The following SEMA4D variants were observed in gnomAD, a reference collection of about 807,000 sequenced individuals.
SEMA4D encodes semaphorin 4D, also known as semaphorin-4D.
In SEMA4D, 22 loss-of-function variants were observed where a neutral mutation model predicts 74.8. That is an observed-to-expected ratio of 0.29 (90% CI 0.21 to 0.42). SEMA4D has a LOEUF of 0.42. Among genes scored for constraint, SEMA4D ranks in the 10% least tolerant of loss-of-function variants. SEMA4D has a pLI of 1.00. For synonymous variants in SEMA4D, 445 were observed against 463.7 expected, an observed-to-expected ratio of 0.96 and a Z score of 0.52; for missense variants, 937 against 1,118.4, an observed-to-expected ratio of 0.84 and a Z score of 2.31.
rs201145683 is a variant in SEMA4D, at chr9:89,421,780, GGTGTGTGACC to G, written c.-243-16091_-243-16082del. ...TATGTTTCCGTCTGTGCAGGCACAT[GGTGTGTGACC>G]GTGTGTGTGCGTGTGTGTGTGTGTG... is the stretch of plus-strand genomic sequence containing the variant. On this transcript the variant is annotated intron_variant, in intron 2 of 15. Coordinates refer to ENST00000422704, the MANE Select transcript of SEMA4D (RefSeq NM_001371194.2). Among the ~76,000 whole-genome samples the G allele has an allele frequency of 2.4e-3, 368 of 152,256 alleles. 1 individual carries two copies. The highest frequency in any genetic ancestry group is 8.1e-3 in the African/African-American group (335 of 41,546).
chr9:89,425,701 C>T (rs1176914615), intron 2 of SEMA4D, among the ~76,000 whole-genome samples: 15 of 152,214 alleles, frequency 9.9e-5, no homozygotes, highest in Non-Finnish European at 2.9e-5. Context: ...CCCCCTCCCC[C>T]AGTGTGCCCC....
chr9:89,460,774 G>A (rs1468914112), intron 1 of SEMA4D, among the ~76,000 whole-genome samples: 1 of 152,224 alleles, frequency 6.6e-6, no homozygotes, highest in Non-Finnish European at 1.5e-5. Context: ...ACAGGCCCAG[G>A]AGAACCCATG....
At chr9:89,477,220 C>T (rs1201784883) in intron 1 of SEMA4D, among the ~76,000 whole-genome samples, 1 of 152,072 alleles carries the variant, frequency 6.6e-6, no homozygotes, top group Admixed American at 6.6e-5. Flanking sequence ...CAGGCACTCA[C>T]ACACACATGC....
At chr9:89,416,543 A>G (rs576469011) in intron 2 of SEMA4D, among the ~76,000 whole-genome samples, 1 of 152,304 alleles carries the variant, frequency 6.6e-6, no homozygotes, top group Non-Finnish European at 1.5e-5. Context: ...ACGGACACAC[A>G]GGGACATGCA....
intron 17 of SEMA4D, chr9:89,363,684 G>A: frequency 1.9e-6 from 3 of 1,595,662 alleles, no homozygotes; most frequent in Admixed American, 1.7e-5. Flanking sequence ...CACTGCCATT[G>A]TAAATAGTGA....
At chr9:89,385,051 G>C in intron 13 of SEMA4D, 1 of 985,082 alleles carries the variant, frequency 1.0e-6, no homozygotes, top group Non-Finnish European at 1.2e-6. Flanking sequence ...AAACCCACTG[G>C]CTCCTCCTCC....
rs1836303598 is a variant in SEMA4D, at chr9:89,378,820, T to A, written c.2473A>T (p.Lys825Ter). ...GAGTCCTCCCTATCCGTGGGGACTT[T>A]GCTGGTGATGGTGTCTTGCTCGGTC... Reference protein sequence around the residue: ...YETEQDTITSKVPTDREDSQR... With the variant: ...YETEQDTITS The change falls in exon 16 of 16, where the codon AAA becomes TAA. Residue 825 changes from lysine (K) to a stop codon, truncating the protein, a stop_gained. Coordinates refer to ENST00000422704, the MANE Select transcript of SEMA4D (RefSeq NM_001371194.2). LOFTEE classifies it high-confidence loss of function. The A allele has an allele frequency of 2.5e-6, 4 of 1,614,066 alleles. No homozygotes were observed. The Admixed American group carries it at 5.0e-5, about 20-fold the overall frequency.
intron 2 of SEMA4D, among the ~76,000 whole-genome samples, chr9:89,452,323 C>T (rs1459883849): frequency 4.0e-5 from 6 of 151,872 alleles, no homozygotes; most frequent in African/African-American, 9.7e-5. Flanking sequence ...GGACTATAGG[C>T]GCCCACCACA....
In SEMA4D at chr9:89,381,055, C is replaced by G; in HGVS notation, c.1663G>C (p.Asp555His). ...AATGGGACGTCGAGGAGTCACTCAC[C>G]CGGGCACACAGAAGCATCGCCGCTC... The part of the protein sequence containing the change: ...EMSGDASVCP[D>H]KSKGSYRQHF... Residue 555 changes from aspartate (D) to histidine (H), a missense_variant and splice_region_variant, in exon 15 of 16, where the codon GAT (aspartate) becomes CAT (histidine). Physicochemically the swap from Asp to His is moderately conservative, Grantham distance 81. Coordinates refer to ENST00000422704, the MANE Select transcript of SEMA4D (RefSeq NM_001371194.2). The surrounding 1 kb of genome is among the most constrained non-coding windows in gnomAD (Gnocchi z 4.6). The G allele has an allele frequency of 6.2e-7, 1 of 1,614,100 alleles. No individual in the cohort carries two copies. Among genetic ancestry groups the G allele is most frequent in the Non-Finnish European group, 8.5e-7 (1 of 1,180,038 alleles).
chr9:89,435,184 G>A (rs1034626238), intron 2 of SEMA4D, among the ~76,000 whole-genome samples: 7 of 152,248 alleles, frequency 4.6e-5, no homozygotes, highest in Non-Finnish European at 8.8e-5. Flanking sequence ...AGAGAGTCAT[G>A]ATAAAGGCAG....
At chr9:89,449,109 G>A (rs1750998571) in intron 2 of SEMA4D, among the ~76,000 whole-genome samples, 1 of 152,194 alleles carries the variant, frequency 6.6e-6, no homozygotes. Context: ...GCCTTTTGGG[G>A]AGGGGTATGC....
At chr9:89,435,180 T>C (rs1850133896) in intron 2 of SEMA4D, among the ~76,000 whole-genome samples, 1 of 151,636 alleles carries the variant, frequency 6.6e-6, no homozygotes, top group African/African-American at 2.4e-5. Context: ...ACTAAGAGAG[T>C]CATGATAAAG....
chr9:89,446,393 C>T lies in SEMA4D; in HGVS notation c.-244+9495G>A, dbSNP rs145722132. 3.9e-3 allele frequency among the ~76,000 whole-genome samples: 599 copies of T among 152,304 alleles called. 5 individuals carry two copies. The highest frequency in any genetic ancestry group is 0.014 in the African/African-American group (569 of 41,566). The stretch of plus-strand genomic sequence containing the variant: ...GGTTAGAACCTGGTATTTTCGGGGG[C>T]CATCATTTGGCCTACCACAAGGGGC... On this transcript the variant is annotated intron_variant, in intron 2 of 15. Transcript: ENST00000422704.
Position 89,485,372 on chromosome 9 carries a change from A to G in SEMA4D, c.-310+12547T>C, listed in dbSNP as rs75496790. ...TGCCCAGGTTATATCTGGATTTTCT[A>G]TTTATAAACACTGAGAAACACCCTT... is the stretch of plus-strand genomic sequence containing the variant. On this transcript the variant is annotated intron_variant, in intron 1 of 15. Transcript: ENST00000422704. Among the ~76,000 whole-genome samples the G allele has an allele frequency of 9.7e-4, 148 of 152,298 alleles. 1 individual carries two copies. Among genetic ancestry groups the G allele is most frequent in the African/African-American group, 3.4e-3 (142 of 41,554 alleles).
chr9:89,496,721 G>A (rs1826043810), intron 1 of SEMA4D, among the ~76,000 whole-genome samples: 2 of 152,244 alleles, frequency 1.3e-5, no homozygotes, highest in African/African-American at 2.4e-5. Context: ...GGCCAGAGCT[G>A]CCTGTTTCTG....
At chr9:89,463,937 C>CCA (rs562222320) in intron 1 of SEMA4D, among the ~76,000 whole-genome samples, 1 of 125,602 alleles carries the variant, frequency 8.0e-6, no homozygotes, top group Non-Finnish European at 1.7e-5. Context: ...CCGTCTCAGA[C>CCA]AAAAAAAAAA....
Position 89,381,260 on chromosome 9 carries a change from G to A in SEMA4D, c.1533C>T (p.Asp511=), listed in dbSNP as rs774461080. 1.3e-6 allele frequency: 2 copies of A among 1,598,342 alleles called. No homozygotes were observed. Among genetic ancestry groups the A allele is most frequent in the African/African-American group, 1.3e-5 (1 of 74,700 alleles). ...AFCGKHGTCE[D]CVLARDPYCA... is the part of the protein sequence containing the mutation. ...AGTAGGGGTCCCGCGCCAGCACACAGTCCTCGCAGGTGCCGTGCTTCCCAC... is the reference window on the plus strand; with the variant it reads ...AGTAGGGGTCCCGCGCCAGCACACAATCCTCGCAGGTGCCGTGCTTCCCAC... The change falls in exon 14 of 16, where the codon GAC becomes GAT. Residue 511 remains aspartate (D), a synonymous_variant. Coordinates refer to ENST00000422704, the MANE Select transcript of SEMA4D (RefSeq NM_001371194.2). The surrounding 1 kb of genome is among the most constrained non-coding windows in gnomAD (Gnocchi z 4.6).
At chr9:89,390,134 T>C (rs1262681664) in intron 9 of SEMA4D, among the ~76,000 whole-genome samples, 1 of 152,194 alleles carries the variant, frequency 6.6e-6, no homozygotes, top group African/African-American at 2.4e-5. Context: ...TGCTGGGTAA[T>C]AAGTCAAGGT....
At chr9:89,441,268 A>G (rs912228965) in intron 2 of SEMA4D, among the ~76,000 whole-genome samples, 3 of 152,342 alleles carry the variant, frequency 2.0e-5, no homozygotes, top group African/African-American at 7.2e-5. Flanking sequence ...CACGCGCAGG[A>G]CTCGGCCGGG....
Sources: gnomAD v4.1 joint callset for allele counts (sites outside exome capture counted in the v4.1 genomes callset) on GRCh38, gnomAD v4.1.1 for gene constraint, Gnocchi (gnomAD v3.1) non-coding constraint, MANE v1.5 for transcripts, NCBI Gene and HGNC (gene_info 2026-07-23, HGNC 2026-07-21) for gene names.